The following STXBP5L variants were observed in gnomAD, a reference collection of about 807,000 sequenced individuals.
The protein encoded by STXBP5L is syntaxin binding protein 5L, also known as syntaxin-binding protein 5-like.
Under a neutral mutation model 144.5 loss-of-function variants are expected in STXBP5L, and 65 were observed. The observed-to-expected ratio is 0.45, with a 90% CI of 0.37 to 0.55. The LOEUF is 0.55. Among genes scored for constraint, STXBP5L ranks in the 20% least tolerant of loss-of-function variants. STXBP5L has a pLI of 0.00. For synonymous variants in STXBP5L, 505 were observed against 469.6 expected (o/e 1.08, Z -0.97); for missense variants, 1,298 against 1,405.5 (o/e 0.92, Z 1.22).
At chr3:121,328,089 A>T (rs1404788485) in intron 20 of STXBP5L, among the ~76,000 whole-genome samples, 1 of 152,236 alleles carries the variant, frequency 6.6e-6, no homozygotes, top group Non-Finnish European at 1.5e-5. Context: ...ACAGTATTAT[A>T]TACAATTGAA....
At chr3:121,399,440 T>C (rs1178024399) in intron 22 of STXBP5L, among the ~76,000 whole-genome samples, 2 of 151,888 alleles carry the variant, frequency 1.3e-5, no homozygotes, top group East Asian at 3.9e-4. Flanking sequence ...CACACAGAAA[T>C]ATAGAGGTGT....
intron 22 of STXBP5L, among the ~76,000 whole-genome samples, chr3:121,405,905 G>A (rs1422773644): frequency 6.6e-6 from 1 of 152,050 alleles, no homozygotes; most frequent in Non-Finnish European, 1.5e-5. Context: ...ATGAGTATAA[G>A]TAAAATGGCT....
chr3:121,089,765 T>C (rs77359439), intron 5 of STXBP5L, among the ~76,000 whole-genome samples: 18,718 of 152,014 alleles, frequency 0.12, 1,420 homozygotes, highest in Middle Eastern at 0.18. Context: ...TGGTATTTTT[T>C]TACTTATATT....
At chr3:121,024,535 C>T (rs1440166682) in intron 3 of STXBP5L, among the ~76,000 whole-genome samples, 1 of 152,130 alleles carries the variant, frequency 6.6e-6, no homozygotes, top group Non-Finnish European at 1.5e-5. Flanking sequence ...CAGGTAACTT[C>T]GAGTGCTATG....
intron 19 of STXBP5L, among the ~76,000 whole-genome samples, chr3:121,287,828 C>CA (rs1386009103): frequency 4.0e-5 from 6 of 149,732 alleles, no homozygotes; most frequent in Admixed American, 6.7e-5. Flanking sequence ...GACTCCATCT[C>CA]AAAAAAAAAG....
chr3:120,919,085 A>C (rs903173841), intron 2 of STXBP5L, among the ~76,000 whole-genome samples: 1 of 152,176 alleles, frequency 6.6e-6, no homozygotes, highest in African/African-American at 2.4e-5. Flanking sequence ...TGAGAATGTT[A>C]GAAAAGAGAA....
At chr3:121,104,775 C>A (rs2043610522) in intron 5 of STXBP5L, among the ~76,000 whole-genome samples, 1 of 152,132 alleles carries the variant, frequency 6.6e-6, no homozygotes, top group Admixed American at 6.6e-5. Context: ...AAATCTAACA[C>A]CTGAAACCAC....
intron 20 of STXBP5L, among the ~76,000 whole-genome samples, chr3:121,375,289 G>A (rs1364695346): frequency 2.6e-5 from 4 of 152,082 alleles, no homozygotes; most frequent in Non-Finnish European, 5.9e-5. Context: ...ATTTTAAAAT[G>A]TCCTCTCCAA....
intron 9 of STXBP5L, among the ~76,000 whole-genome samples, chr3:121,165,482 C>T (rs1559814041): frequency 6.6e-6 from 1 of 152,130 alleles, no homozygotes; most frequent in African/African-American, 2.4e-5. Context: ...ACAATTTTAT[C>T]CGTACCTTTG....
chr3:121,232,646 C>T (rs932549486), intron 11 of STXBP5L, among the ~76,000 whole-genome samples: 1 of 152,134 alleles, frequency 6.6e-6, no homozygotes, highest in Non-Finnish European at 1.5e-5. Context: ...GGGTCACCAA[C>T]TTTGTTATTG....
At chr3:121,153,083 A>G (rs1004340916) in intron 8 of STXBP5L, among the ~76,000 whole-genome samples, 1 of 152,106 alleles carries the variant, frequency 6.6e-6, no homozygotes, top group Non-Finnish European at 1.5e-5. Flanking sequence ...GTGACCAGAT[A>G]TTAATAAGTG....
intron 18 of STXBP5L, among the ~76,000 whole-genome samples, chr3:121,266,063 G>A (rs2050554321): frequency 6.6e-6 from 1 of 152,158 alleles, no homozygotes; most frequent in Non-Finnish European, 1.5e-5. Context: ...AGAGGAGCTG[G>A]TACCATTTCT....
chr3:121,040,106 T>C (rs1053584202), intron 3 of STXBP5L, among the ~76,000 whole-genome samples: 1 of 152,088 alleles, frequency 6.6e-6, no homozygotes, highest in African/African-American at 2.4e-5. Flanking sequence ...TCTGGGTCTC[T>C]TTCTATTGAT....
At chr3:121,008,326 G>T (rs1016611178) in intron 3 of STXBP5L, among the ~76,000 whole-genome samples, 2 of 151,880 alleles carry the variant, frequency 1.3e-5, no homozygotes, top group Non-Finnish European at 2.9e-5. Context: ...GTATCCAAGT[G>T]GTAGCCTTAG....
At chr3:121,192,744 G>C (rs568826678) in intron 9 of STXBP5L, among the ~76,000 whole-genome samples, 1 of 152,286 alleles carries the variant, frequency 6.6e-6, no homozygotes, top group African/African-American at 2.4e-5. Context: ...TTTAATAAAT[G>C]GTGCTGGGAA....
intron 5 of STXBP5L, among the ~76,000 whole-genome samples, chr3:121,053,731 G>A (rs980084522): frequency 3.9e-5 from 6 of 152,106 alleles, no homozygotes; most frequent in Admixed American, 1.3e-4. Context: ...AGCCAAAATT[G>A]ACAAATGGCA....
At position 121,041,757 on chromosome 3, in the gene STXBP5L, A is replaced by C. The variant is rs576340278; in HGVS notation, c.345A>C (p.Leu115=). ...YCQHESGAAV[L]QLQFLINEGA... is the part of the protein sequence containing the mutation. ...AACATGAAAGTGGTGCAGCTGTCCTACAGCTCCAATTTTTGATCAATGAGG... is the reference window on the plus strand; with the variant it reads ...AACATGAAAGTGGTGCAGCTGTCCTCCAGCTCCAATTTTTGATCAATGAGG... Residue 115 remains leucine, a synonymous_variant, in exon 4 of 27, where the codon CTA becomes CTC. Transcript: ENST00000471454. 1.6e-5 allele frequency: 26 copies of C among 1,612,688 alleles called. No individual in the cohort carries two copies. The South Asian group carries it at 2.6e-4, about 16-fold the overall frequency.
intron 10 of STXBP5L, among the ~76,000 whole-genome samples, chr3:121,217,057 G>A (rs910119183): frequency 6.6e-6 from 1 of 152,100 alleles, no homozygotes; most frequent in African/African-American, 2.4e-5. Flanking sequence ...TTCCCAGATC[G>A]ACCTCAGACT....
intron 20 of STXBP5L, among the ~76,000 whole-genome samples, chr3:121,346,226 G>C (rs1184842657): frequency 6.6e-6 from 1 of 150,806 alleles, no homozygotes; most frequent in East Asian, 2.0e-4. Flanking sequence ...CCTTGCAATA[G>C]TTTGCTGAGA....
Sources: allele counts gnomAD v4.1 joint callset (sites outside exome capture counted in the v4.1 genomes callset), GRCh38; gene constraint gnomAD v4.1.1; transcripts MANE v1.5; gene names NCBI Gene and HGNC (gene_info 2026-07-23, HGNC 2026-07-21).